The following ADGRD1 variants were observed in gnomAD, a reference collection of about 807,000 sequenced individuals.
ADGRD1 encodes the protein G-protein coupled receptor 133.
A neutral mutation model predicts 113.4 loss-of-function variants in ADGRD1; 77 were observed. The ratio of observed to expected loss-of-function variants is 0.68; its 90% CI spans 0.57 to 0.82. The LOEUF (loss-of-function observed/expected upper bound fraction) is 0.82, where lower values mean the gene tolerates loss of function less well. Among genes scored for constraint, ADGRD1 ranks in the 40% least tolerant of loss-of-function variants. ADGRD1 has a pLI of 0.00. For missense variants in ADGRD1, 1,036 were observed against 1,139.1 expected (o/e 0.91, Z 1.30); for synonymous variants, 474 against 475.0 (o/e 1.00, Z 0.03).
rs1887434120 is a variant in ADGRD1, at chr12:131,098,137, G to A, written c.1672-6694G>A. Among the ~76,000 whole-genome samples the A allele has an allele frequency of 1.4e-5, 2 of 144,122 alleles. 1 individual carries two copies. Among genetic ancestry groups the A allele is most frequent in the South Asian group, 4.3e-4 (2 of 4,662 alleles). 94.5% of individuals were successfully genotyped at this position (144,122 alleles called of 152,430 possible). A position where few individuals can be genotyped will look rare whatever the true frequency, so the allele number is the denominator to read the frequency against. On this transcript the variant is annotated intron_variant, in intron 15 of 24. Transcript: ENST00000261654. Reference sequence around the variant, plus strand: ...TCCCCTCTCCCACTGTCCTCCCGCGGTGGCCGCTGTCTGGGCCTCACTTCC... The same window carrying A: ...TCCCCTCTCCCACTGTCCTCCCGCGATGGCCGCTGTCTGGGCCTCACTTCC...
intron 13 of ADGRD1, among the ~76,000 whole-genome samples, chr12:131,019,780 G>T (rs973613001): frequency 2.1e-4 from 32 of 152,034 alleles, no homozygotes; most frequent in African/African-American, 6.7e-4. Flanking sequence ...AGATGCTCCA[G>T]GGAAGGACCC....
At chr12:131,059,193 T>G (rs1218742030) in intron 13 of ADGRD1, among the ~76,000 whole-genome samples, 1 of 152,232 alleles carries the variant, frequency 6.6e-6, no homozygotes, top group Non-Finnish European at 1.5e-5. Flanking sequence ...TTTCTTTTTT[T>G]GAGACAGAGT....
chr12:130,971,282 T>C lies in ADGRD1; in HGVS notation c.188-176T>C, dbSNP rs1871607917. ...TAATAATTTACAATTTAATTACTAA[T>C]AATATTACTGATGCTATGAATATTA... On this transcript the variant is annotated intron_variant, in intron 3 of 24. Transcript: ENST00000261654. This position sits in a 1 kb window ranked among gnomAD's most constrained non-coding sequence, Gnocchi z 4.2. 3.3e-6 allele frequency: 1 copy of C among 304,322 alleles called. No individual in the cohort carries two copies. The highest frequency in any genetic ancestry group is 6.0e-6 in the Non-Finnish European group (1 of 165,390). The allele number at this position is 304,322 out of a possible 1,614,324, so 18.9% of individuals were successfully genotyped here.
At chr12:131,028,026 C>G (rs905304150) in intron 13 of ADGRD1, 3 of 152,136 alleles carry the variant, frequency 2.0e-5, no homozygotes, top group African/African-American at 7.2e-5. Flanking sequence ...GGTCGAGGGG[C>G]ATGTTCAGCA....
chr12:131,093,645 G>A (rs1378553804), intron 15 of ADGRD1, among the ~76,000 whole-genome samples: 2 of 152,208 alleles, frequency 1.3e-5, no homozygotes, highest in Non-Finnish European at 2.9e-5. Context: ...GCCGGCAGCC[G>A]CAGCATGTAC....
chr12:130,972,646 G>T (rs1421521420), intron 4 of ADGRD1, among the ~76,000 whole-genome samples: 1 of 152,076 alleles, frequency 6.6e-6, no homozygotes, highest in Non-Finnish European at 1.5e-5. Flanking sequence ...TGGGCTCGGC[G>T]TGAGCTCGGT....
chr12:131,074,557 A>G (rs1479747419), intron 13 of ADGRD1, among the ~76,000 whole-genome samples: 1 of 152,148 alleles, frequency 6.6e-6, no homozygotes, highest in African/African-American at 2.4e-5. Context: ...ACATTTCTGC[A>G]TGAGATGGGG....
Position 130,965,630 on chromosome 12 carries a change from A to C in ADGRD1, c.104-833A>C, listed in dbSNP as rs1870918587. Among the ~76,000 whole-genome samples the C allele has an allele frequency of 6.6e-6, 1 of 152,228 alleles. No homozygotes were observed. Among genetic ancestry groups the C allele is most frequent in the Admixed American group, 6.5e-5 (1 of 15,280 alleles). Reference sequence around the variant, plus strand: ...TGTTCATTAACAGAAGAATGGCATAACATGTTATGGGGCAGCCACTCAAGA... The same window carrying C: ...TGTTCATTAACAGAAGAATGGCATACCATGTTATGGGGCAGCCACTCAAGA... On this transcript the variant is annotated intron_variant, in intron 2 of 24. Coordinates refer to ENST00000261654, the MANE Select transcript of ADGRD1 (RefSeq NM_198827.5). The surrounding 1 kb of genome is among the most constrained non-coding windows in gnomAD (Gnocchi z 4.8).
chr12:131,108,907 G>A, intron 18 of ADGRD1, 30 bp downstream of exon 18: 1 of 1,387,502 alleles, frequency 7.2e-7, no homozygotes, highest in Non-Finnish European at 1.0e-6. Context: ...TGGGATGGCG[G>A]GGCGGGAGGG....
chr12:131,078,318 C>A (rs1462388880), intron 14 of ADGRD1, among the ~76,000 whole-genome samples: 1 of 152,180 alleles, frequency 6.6e-6, no homozygotes, highest in Non-Finnish European at 1.5e-5. Context: ...CATTTTTGAC[C>A]CCCGGGATGC....
At chr12:131,126,655 C>T (rs895073687) in intron 20 of ADGRD1, among the ~76,000 whole-genome samples, 7 of 152,158 alleles carry the variant, frequency 4.6e-5, no homozygotes, top group South Asian at 2.1e-4. Flanking sequence ...CAGAGATCAC[C>T]GTGATCTTGG....
intron 4 of ADGRD1, among the ~76,000 whole-genome samples, chr12:130,972,160 G>A (rs1037696610): frequency 1.2e-4 from 18 of 152,338 alleles, no homozygotes; most frequent in African/African-American, 4.1e-4. Context: ...TGCTTTTACC[G>A]TGTGAAGTGT....
chr12:131,090,772 G>A (rs1020370432), intron 15 of ADGRD1, among the ~76,000 whole-genome samples: 1 of 152,270 alleles, frequency 6.6e-6, no homozygotes, highest in African/African-American at 2.4e-5. Flanking sequence ...TGGTTCCGGA[G>A]TGCATGACCC....
At chr12:130,991,488 C>G (rs1032460521) in intron 7 of ADGRD1, among the ~76,000 whole-genome samples, 5 of 152,088 alleles carry the variant, frequency 3.3e-5, no homozygotes, top group Non-Finnish European at 7.3e-5. Flanking sequence ...TTCTTGAGAA[C>G]GTTAATATAA....
At chr12:131,051,486 C>CTTTGTT (rs139359592) in intron 13 of ADGRD1, among the ~76,000 whole-genome samples, 2,528 of 147,150 alleles carry the variant, frequency 0.017, 42 homozygotes, top group Middle Eastern at 0.049. Context: ...TCTTTCTTTT[C>CTTTGTT]TTTTTTTTTT....
chr12:131,127,789 T>A (rs543344789), intron 20 of ADGRD1, among the ~76,000 whole-genome samples: 1 of 138,670 alleles, frequency 7.2e-6, no homozygotes, highest in South Asian at 2.5e-4. Flanking sequence ...GTGTTGGTTG[T>A]GATGGGACCC....
chr12:131,018,328 C>T (rs75473905), intron 13 of ADGRD1, among the ~76,000 whole-genome samples: 4,009 of 152,286 alleles, frequency 0.026, 172 homozygotes, highest in African/African-American at 0.091. Context: ...CCCTTCACGC[C>T]GGGATGAGGG....
chr12:130,996,971 A>C (rs1305821864), intron 8 of ADGRD1, among the ~76,000 whole-genome samples: 44 of 100,108 alleles, frequency 4.4e-4, no homozygotes, highest in African/African-American at 1.6e-3. Flanking sequence ...CTGACCCCCC[A>C]ACCTCCCTCC....
At chr12:131,119,641 C>T (rs1280543084) in intron 19 of ADGRD1, among the ~76,000 whole-genome samples, 2 of 152,194 alleles carry the variant, frequency 1.3e-5, no homozygotes, top group African/African-American at 2.4e-5. Context: ...AGAAGCCCCT[C>T]GTCGACTTAA....
Sources: gnomAD v4.1 joint callset for allele counts (sites outside exome capture counted in the v4.1 genomes callset) on GRCh38, gnomAD v4.1.1 for gene constraint, Gnocchi (gnomAD v3.1) non-coding constraint, MANE v1.5 for transcripts, NCBI Gene and HGNC (gene_info 2026-07-23, HGNC 2026-07-21) for gene names.